The following DNAI1 variants were observed in gnomAD, a reference collection of about 807,000 sequenced individuals.
The protein encoded by DNAI1 is dynein, axonemal, intermediate polypeptide 1.
In DNAI1, 67 loss-of-function variants were observed where a neutral mutation model predicts 92.0. The observed-to-expected ratio is 0.73, with a 90% CI of 0.60 to 0.89. The LOEUF (loss-of-function observed/expected upper bound fraction) is 0.89. Ranked by LOEUF, DNAI1 falls within the 40% of genes least tolerant of loss-of-function variation. The probability of loss-of-function intolerance (pLI) is 0.00; values close to 1 mark genes in which losing one functional copy is unlikely to be tolerated. For missense variants in DNAI1, 839 were observed against 866.6 expected, an observed-to-expected ratio of 0.97 and a Z score of 0.40; for synonymous variants, 323 against 319.6, an observed-to-expected ratio of 1.01 and a Z score of -0.11.
intron 13 of DNAI1, among the ~76,000 whole-genome samples, chr9:34,510,644 C>A (rs2132079989): frequency 6.6e-6 from 1 of 152,226 alleles, no homozygotes; most frequent in Admixed American, 6.5e-5. Context: ...AATACACACA[C>A]ACCACCCCCC....
intron 1 of DNAI1, among the ~76,000 whole-genome samples, chr9:34,477,494 C>A (rs1216957319): frequency 6.6e-6 from 1 of 152,016 alleles, no homozygotes; most frequent in Non-Finnish European, 1.5e-5. Context: ...AGAGTAAGTT[C>A]TCAGTAGCAG....
intron 1 of DNAI1, among the ~76,000 whole-genome samples, chr9:34,467,059 T>C (rs1026158970): frequency 4.6e-5 from 7 of 152,144 alleles, no homozygotes; most frequent in Admixed American, 3.3e-4. Flanking sequence ...TAGAAGGAGG[T>C]ATTCTCTTTG....
Position 34,512,099 on chromosome 9 carries a change from G to A in DNAI1, c.1312-10G>A, listed in dbSNP as rs752862667. 4.3e-6 allele frequency: 7 copies of A among 1,613,832 alleles called. No individual in the cohort carries two copies. The highest frequency in any genetic ancestry group is 1.6e-4 in the Middle Eastern group (1 of 6,084). On this transcript the variant is annotated splice_polypyrimidine_tract_variant and intron_variant, in intron 13 of 19. Coordinates refer to ENST00000242317, the MANE Select transcript of DNAI1 (RefSeq NM_012144.4). ...CAGGGTCCCAGAGCTCACATTTTGG[G>A]ATGTTTCAGGTCAAGTGGCAGAAGG...
intron 1 of DNAI1, among the ~76,000 whole-genome samples, chr9:34,462,784 G>A (rs188478838): frequency 1.6e-4 from 25 of 152,236 alleles, no homozygotes; most frequent in African/African-American, 6.0e-4. Context: ...TTAAGAAATG[G>A]GTTTTGGAGA....
intron 13 of DNAI1, among the ~76,000 whole-genome samples, chr9:34,508,295 A>C (rs1824982732): frequency 6.6e-6 from 1 of 152,196 alleles, no homozygotes; most frequent in East Asian, 1.9e-4. Context: ...GCCCAGGCAC[A>C]GGGGCCATGG....
At chr9:34,480,192 C>G (rs1463518801) in intron 1 of DNAI1, among the ~76,000 whole-genome samples, 1 of 152,154 alleles carries the variant, frequency 6.6e-6, no homozygotes, top group Non-Finnish European at 1.5e-5. Flanking sequence ...GTCTCCAGTC[C>G]CCTCATATGC....
intron 8 of DNAI1, 90 bp downstream of exon 8, chr9:34,491,644 G>T: frequency 9.9e-6 from 14 of 1,410,172 alleles, no homozygotes; most frequent in Non-Finnish European, 1.4e-5. Context: ...TGGGTCAAGG[G>T]CTCCTCTGGC....
At position 34,513,398 on chromosome 9, in the gene DNAI1, G is replaced by A. The variant is rs1257849726; in HGVS notation, c.1569+207G>A. ...GGAAAGGGGATGGAGAATCTAGAGG[G>A]TGACTTTAGCCCAGCTCAGCATCTT... is the stretch of plus-strand genomic sequence containing the variant. On this transcript the variant is annotated intron_variant, in intron 16 of 19. Transcript: ENST00000242317. Among the ~76,000 whole-genome samples, 7 of 152,328 alleles carry A rather than the reference G, an allele frequency of 4.6e-5. No homozygotes were observed. In the East Asian group the frequency reaches 1.2e-3, roughly 25 times the overall value.
At chr9:34,492,445 C>T (rs1171351549) in intron 8 of DNAI1, among the ~76,000 whole-genome samples, 15 of 132,302 alleles carry the variant, frequency 1.1e-4, no homozygotes, top group African/African-American at 2.6e-4. Context: ...ACAGCCAGCC[C>T]GAGCCAGTAT....
chr9:34,498,049 A>G (rs1459673763), intron 10 of DNAI1, among the ~76,000 whole-genome samples: 2 of 152,188 alleles, frequency 1.3e-5, no homozygotes, highest in African/African-American at 2.4e-5. Context: ...GCCCGATGAG[A>G]GCAAGGCTGG....
chr9:34,519,479 T>C (rs1336278055), intron 19 of DNAI1, among the ~76,000 whole-genome samples: 1 of 151,978 alleles, frequency 6.6e-6, no homozygotes, highest in Non-Finnish European at 1.5e-5. Flanking sequence ...CCAAGCTTAA[T>C]TTAGGAAGGA....
Position 34,485,339 on chromosome 9 carries a change from G to A in DNAI1, c.181-98G>A, listed in dbSNP as rs1042813427. 3.1e-6 allele frequency: 5 copies of A among 1,591,280 alleles called. No homozygotes were observed. The African/African-American group carries it at 5.4e-5, about 17-fold the overall frequency. On this transcript the variant is annotated intron_variant, in intron 3 of 19. Coordinates refer to ENST00000242317, the MANE Select transcript of DNAI1 (RefSeq NM_012144.4). ...GATTAGGAGCTTGCCCAGAACCTGG[G>A]TGTGAGATGTCTGCTGATACTCTGA...
In DNAI1 at chr9:34,506,839, G is replaced by A. The variant is rs1367866725; in HGVS notation, c.1276G>A (p.Ala426Thr). ...PHSQPSFCSS[A>T]KSGKHSDPVW... is the part of the protein sequence containing the mutation. ...CTCCCAGCCCTCCTTCTGCAGCTCA[G>A]CCAAGTCTGGCAAGCACTCAGACCC... Residue 426 changes from alanine to threonine, a missense_variant, in exon 13 of 20, where the codon GCC becomes ACC. Transcript: ENST00000242317. 1.2e-6 allele frequency: 2 copies of A among 1,614,130 alleles called. No homozygotes were observed. The highest frequency in any genetic ancestry group is 2.2e-5 in the East Asian group (1 of 44,884).
chr9:34,500,627 T>G, intron 10 of DNAI1, 95 bp from the exon 11 acceptor site: 2 of 790,504 alleles, frequency 2.5e-6, no homozygotes, highest in African/African-American at 1.7e-5. Context: ...CAGAGGCTCA[T>G]TGTTTTGCCC....
chr9:34,466,076 ATAG>A (rs1824033470), intron 1 of DNAI1, among the ~76,000 whole-genome samples: 1 of 152,208 alleles, frequency 6.6e-6, no homozygotes, highest in Non-Finnish European at 1.5e-5. Flanking sequence ...GACCTGGCAC[ATAG>A]TAGATGCTTA....
intron 1 of DNAI1, among the ~76,000 whole-genome samples, chr9:34,481,777 G>C (rs1370869958): frequency 6.6e-6 from 1 of 152,170 alleles, no homozygotes; most frequent in Non-Finnish European, 1.5e-5. Flanking sequence ...CTGGGCTCAG[G>C]AGTGAAGCTG....
In DNAI1 at chr9:34,512,401, A is replaced by G; in HGVS notation, c.1466A>G (p.Glu489Gly). The G allele has an allele frequency of 6.2e-7, 1 of 1,614,114 alleles. No homozygotes were observed. The highest frequency in any genetic ancestry group is 1.3e-5 in the African/African-American group (1 of 75,014). The change falls in exon 15 of 20, where the codon GAG becomes GGG. Residue 489 changes from glutamate (E) to glycine (G), a missense_variant. Physicochemically the swap from Glu to Gly is moderately conservative, Grantham distance 98. Transcript: ENST00000242317. ...KVEGSTTEVP[E>G]GLQLHPVGCG... Reference sequence around the variant, plus strand: ...GAAGGCAGCACCACGGAAGTTCCTGAGGGGTTGCAGCTGCACCCAGTGGGT... The same window carrying G: ...GAAGGCAGCACCACGGAAGTTCCTGGGGGGTTGCAGCTGCACCCAGTGGGT...
rs1825104087 is a variant in DNAI1 at position 34,513,147 on chromosome 9, GACT to G, written c.1528_1530del (p.Tyr510del). On this transcript the variant is annotated inframe_deletion, in exon 16 of 20. Transcript: ENST00000242317. The stretch of plus-strand genomic sequence containing the variant: ...TGCCTTTGACTTCCACAAAGAGATT[GACT>G]ACATGTTCCTAGTGGGCACAGAGGA... 2 of 1,614,056 alleles carry G rather than the reference GACT, an allele frequency of 1.2e-6. No individual in the cohort carries two copies. The highest frequency in any genetic ancestry group is 1.6e-4 in the Middle Eastern group (1 of 6,084).
chr9:34,504,511 G>A (rs999329885), intron 12 of DNAI1, among the ~76,000 whole-genome samples: 24 of 152,230 alleles, frequency 1.6e-4, no homozygotes, highest in Admixed American at 1.3e-4. Flanking sequence ...TGTGCTTGCT[G>A]GGTTGTAATG....
Sources: allele counts gnomAD v4.1 joint callset (sites outside exome capture counted in the v4.1 genomes callset), GRCh38; gene constraint gnomAD v4.1.1; transcripts MANE v1.5; gene names NCBI Gene and HGNC (gene_info 2026-07-23, HGNC 2026-07-21).